Variants in GAN observed in about 807,000 individuals in gnomAD.
GAN encodes gigaxonin, also known as epididymis secretory sperm binding protein.
In GAN, 48 loss-of-function variants were observed where a neutral mutation model predicts 71.3. That is an observed-to-expected ratio of 0.67 (90% CI 0.53 to 0.86). The LOEUF (loss-of-function observed/expected upper bound fraction) is 0.86, where lower values mean the gene tolerates loss of function less well. Ranked by LOEUF, GAN falls within the 40% of genes least tolerant of loss-of-function variation. The probability of loss-of-function intolerance (pLI) is 0.00; values close to 1 mark genes in which losing one functional copy is unlikely to be tolerated. For synonymous variants in GAN, 386 were observed against 276.8 expected (o/e 1.39, Z -3.92); for missense variants, 928 against 770.1 (o/e 1.21, Z -2.43).
intron 1 of GAN, among the ~76,000 whole-genome samples, chr16:81,316,364 C>G (rs993276176): frequency 6.6e-6 from 1 of 151,414 alleles, no homozygotes; most frequent in Non-Finnish European, 1.5e-5. Flanking sequence ...CACTTTTAAC[C>G]TTTGCATTGG....
chr16:81,334,892 T>G (rs1909704500), intron 1 of GAN, among the ~76,000 whole-genome samples: 1 of 152,200 alleles, frequency 6.6e-6, no homozygotes, highest in African/African-American at 2.4e-5. Flanking sequence ...CAATTCATAT[T>G]TATCAAGTGC....
intron 1 of GAN, among the ~76,000 whole-genome samples, chr16:81,329,195 C>G (rs564018049): frequency 6.6e-6 from 1 of 151,514 alleles, no homozygotes; most frequent in East Asian, 1.9e-4. Flanking sequence ...TTTTCCTTCT[C>G]TCCTGGCTTC....
chr16:81,332,076 G>A (rs1323577069), intron 1 of GAN, among the ~76,000 whole-genome samples: 2 of 151,576 alleles, frequency 1.3e-5, no homozygotes, highest in Non-Finnish European at 2.9e-5. Flanking sequence ...CAGGAGAATC[G>A]CTTGAACCTG....
At chr16:81,336,747 G>C (rs1328001677) in intron 1 of GAN, among the ~76,000 whole-genome samples, 6 of 151,986 alleles carry the variant, frequency 3.9e-5, no homozygotes, top group Non-Finnish European at 7.4e-5. Flanking sequence ...AAAAGTGTTG[G>C]GATTGTAGGT....
At chr16:81,320,647 A>G (rs750451360) in intron 1 of GAN, among the ~76,000 whole-genome samples, 5 of 152,336 alleles carry the variant, frequency 3.3e-5, no homozygotes, top group Non-Finnish European at 5.9e-5. Context: ...TAGCCTGTGA[A>G]GTTTCTTAGT....
chr16:81,348,621 C>T (rs1209142495), intron 1 of GAN, among the ~76,000 whole-genome samples: 4 of 152,206 alleles, frequency 2.6e-5, no homozygotes, highest in Non-Finnish European at 5.9e-5. Flanking sequence ...AGCCTACAGG[C>T]CGCCTCTGTT....
intron 9 of GAN, among the ~76,000 whole-genome samples, chr16:81,373,506 TC>T (rs1904274421): frequency 6.6e-6 from 1 of 152,230 alleles, no homozygotes; most frequent in Non-Finnish European, 1.5e-5. Context: ...GTTAAAGAGT[TC>T]CCATTTCCAT....
chr16:81,348,595 G>C (rs1597398649), intron 1 of GAN, among the ~76,000 whole-genome samples: 1 of 152,326 alleles, frequency 6.6e-6, no homozygotes, highest in East Asian at 1.9e-4. Context: ...AATGCTGGGG[G>C]CCCTGTCCAG....
chr16:81,367,686 C>A lies in GAN; in HGVS notation c.1502+2208C>A, dbSNP rs149753398. Among the ~76,000 whole-genome samples, 320 of 152,238 alleles carry A rather than the reference C, an allele frequency of 2.1e-3. 1 individual carries two copies. The highest frequency in any genetic ancestry group is 7.3e-3 in the African/African-American group (302 of 41,518). On this transcript the variant is annotated intron_variant, in intron 9 of 10. Transcript: ENST00000648994. ...GATAACATTAAACACACATATAACACCAAATGCCATGTATTTAATCTTCAA... is the reference window on the plus strand; with the variant it reads ...GATAACATTAAACACACATATAACAACAAATGCCATGTATTTAATCTTCAA...
intron 1 of GAN, among the ~76,000 whole-genome samples, chr16:81,336,132 T>C (rs1909753017): frequency 6.6e-6 from 1 of 152,200 alleles, no homozygotes; most frequent in Admixed American, 6.5e-5. Flanking sequence ...TGTTAGCCTG[T>C]GTAGCTCATG....
At chr16:81,354,131 A>G (rs1597401341) in intron 2 of GAN, among the ~76,000 whole-genome samples, 1 of 152,164 alleles carries the variant, frequency 6.6e-6, no homozygotes, top group South Asian at 2.1e-4. Flanking sequence ...AACAACATGG[A>G]CAGTTCACCC....
intron 1 of GAN, among the ~76,000 whole-genome samples, chr16:81,345,679 G>A (rs1371731600): frequency 6.6e-6 from 1 of 152,150 alleles, no homozygotes; most frequent in African/African-American, 2.4e-5. Flanking sequence ...AACCACCATG[G>A]CACATGTATA....
intron 1 of GAN, among the ~76,000 whole-genome samples, chr16:81,338,179 C>G (rs1419059073): frequency 6.6e-6 from 1 of 152,078 alleles, no homozygotes; most frequent in African/African-American, 2.4e-5. Context: ...ATAATACTTT[C>G]TATTGTTTCT....
chr16:81,335,420 C>T (rs1909722038), intron 1 of GAN, among the ~76,000 whole-genome samples: 1 of 152,084 alleles, frequency 6.6e-6, no homozygotes, highest in Admixed American at 6.6e-5. Context: ...AGTTTAAGAC[C>T]AGCCTGGGCA....
intron 9 of GAN, 82 bp from the exon 10 acceptor site, chr16:81,377,137 C>G (rs959703194): frequency 5.7e-6 from 5 of 880,102 alleles, no homozygotes; most frequent in East Asian, 2.4e-5. Flanking sequence ...TGATGACTCA[C>G]CAAGCTTGCT....
At position 81,365,003 on chromosome 16, in the gene GAN, A is replaced by T; in HGVS notation, c.1266A>T (p.Lys422Asn). The stretch of plus-strand genomic sequence containing the variant: ...GCTGCTATGCAGCTATGAAAAAGAA[A>T]ATCTACGCCATGGGTGGAGGCTCCT... Reference protein sequence around the residue: ...KIGCYAAMKKKIYAMGGGSYG... With the variant: ...KIGCYAAMKKNIYAMGGGSYG... Residue 422 changes from lysine to asparagine, a missense_variant, in exon 8 of 11, where the codon AAA becomes AAT. Coordinates refer to ENST00000648994, the MANE Select transcript of GAN (RefSeq NM_022041.4). 6.2e-7 allele frequency: 1 copy of T among 1,614,048 alleles called. No homozygotes were observed. The highest frequency in any genetic ancestry group is 8.5e-7 in the Non-Finnish European group (1 of 1,179,914).
rs1904525270 is a variant in GAN, at chr16:81,390,307, G to C, written c.*12711G>C. The stretch of plus-strand genomic sequence containing the variant: ...CACATCCTGTGGTCCAAAGGTACTA[G>C]TTTGTTTTGTGGAATAATTTTCTGT... On this transcript the variant is annotated 3_prime_UTR_variant, in exon 11 of 11. Transcript: ENST00000648994. 1 of 152,174 alleles carries C rather than the reference G, an allele frequency of 6.6e-6. No individual in the cohort carries two copies. The highest frequency in any genetic ancestry group is 1.5e-5 in the Non-Finnish European group (1 of 68,026). 9.4% of individuals were successfully genotyped at this position (152,174 alleles called of 1,614,324 possible).
At position 81,389,230 on chromosome 16, in the gene GAN, T is replaced by G. The variant is rs947160293; in HGVS notation, c.*11634T>G. 2 of 152,240 alleles carry G rather than the reference T, an allele frequency of 1.3e-5. No homozygotes were observed. The highest frequency in any genetic ancestry group is 1.5e-5 in the Non-Finnish European group (1 of 68,046). 9.4% of individuals were successfully genotyped at this position (152,240 alleles called of 1,614,324 possible). A position where few individuals can be genotyped will look rare whatever the true frequency, so the allele number is the denominator to read the frequency against. The stretch of plus-strand genomic sequence containing the variant: ...CTTGCTTCATTAAATAATTCGTGGC[T>G]TTTTCTGCCACTGGGGTTCTTTTCG... On this transcript the variant is annotated 3_prime_UTR_variant, in exon 11 of 11. Coordinates refer to ENST00000648994, the MANE Select transcript of GAN (RefSeq NM_022041.4).
chr16:81,376,386 G>T (rs1449379160), intron 9 of GAN, among the ~76,000 whole-genome samples: 2 of 151,924 alleles, frequency 1.3e-5, no homozygotes, highest in Non-Finnish European at 2.9e-5. Flanking sequence ...TTAGGATGCT[G>T]AGGTGGGCAG....
Sources: allele counts gnomAD v4.1 joint callset (sites outside exome capture counted in the v4.1 genomes callset), GRCh38; gene constraint gnomAD v4.1.1; transcripts MANE v1.5; gene names NCBI Gene and HGNC (gene_info 2026-07-23, HGNC 2026-07-21).